The following GCSAML variants were observed in gnomAD, a reference collection of about 807,000 sequenced individuals.
GCSAML encodes germinal center associated signaling and motility like, also known as germinal center-associated signaling and motility-like protein.
In GCSAML, 9 loss-of-function variants were observed where a neutral mutation model predicts 13.0. The observed-to-expected ratio is 0.69, with a 90% CI of 0.42 to 1.21. The LOEUF (loss-of-function observed/expected upper bound fraction) is 1.21. Ranked by LOEUF, GCSAML falls within the 50% of genes most tolerant of loss-of-function variation. The pLI, the probability that GCSAML is intolerant of heterozygous loss-of-function variation, is 0.00. For synonymous variants in GCSAML, 37 were observed against 52.9 expected, an observed-to-expected ratio of 0.70 and a Z score of 1.31; for missense variants, 143 against 153.4, an observed-to-expected ratio of 0.93 and a Z score of 0.36.
chr1:247,543,174 A>G (rs1037538460), intron 2 of GCSAML, among the ~76,000 whole-genome samples: 2 of 152,236 alleles, frequency 1.3e-5, no homozygotes, highest in African/African-American at 2.4e-5. Context: ...TCTCTAGTAC[A>G]GTATGTCTTT....
Position 247,574,557 on chromosome 1 carries a change from A to T in GCSAML, c.*175A>T. The T allele has an allele frequency of 1.6e-6, 1 of 639,002 alleles. No individual in the cohort carries two copies. The highest frequency in any genetic ancestry group is 2.8e-5 in the East Asian group (1 of 35,964). 39.6% of individuals were successfully genotyped at this position (639,002 alleles called of 1,614,324 possible). A position where few individuals can be genotyped will look rare whatever the true frequency, so the allele number is the denominator to read the frequency against. On this transcript the variant is annotated 3_prime_UTR_variant, in exon 5 of 5. Coordinates refer to ENST00000366488, the MANE Select transcript of GCSAML (RefSeq NM_145278.5). The stretch of plus-strand genomic sequence containing the variant: ...CTGATATGTGGCATCTCTGTGGCTT[A>T]GGTGAAATCATAGAAATTGACACAA...
intron 3 of GCSAML, among the ~76,000 whole-genome samples, chr1:247,565,193 AC>A (rs1668294082): frequency 1.3e-5 from 2 of 152,220 alleles, no homozygotes; most frequent in South Asian, 2.1e-4. Flanking sequence ...CCCCGTCTCT[AC>A]TAAAAATGCA....
chr1:247,509,324 T>C (rs1665930902), intron 1 of GCSAML, among the ~76,000 whole-genome samples: 1 of 152,214 alleles, frequency 6.6e-6, no homozygotes, highest in Non-Finnish European at 1.5e-5. Flanking sequence ...TATTGGTGTA[T>C]AGAAATGCTT....
In GCSAML at chr1:247,566,723, A is replaced by G. The variant is rs180795936; in HGVS notation, c.168+764A>G. On this transcript the variant is annotated intron_variant, in intron 4 of 4. Transcript: ENST00000366488. ...ATGGTGGAAACTATAACATATGGAA[A>G]AAAGTTTATTCCTTTTGATACTACC... Among the ~76,000 whole-genome samples, 5 of 152,336 alleles carry G rather than the reference A, an allele frequency of 3.3e-5. No homozygotes were observed. The East Asian group carries it at 9.6e-4, about 29-fold the overall frequency.
chr1:247,561,676 G>A (rs1668132882), intron 2 of GCSAML, among the ~76,000 whole-genome samples: 1 of 151,872 alleles, frequency 6.6e-6, no homozygotes, highest in Non-Finnish European at 1.5e-5. Flanking sequence ...TAATAAACAT[G>A]TTATTTTTCT....
chr1:247,572,348 T>C (rs1195237795), intron 4 of GCSAML, among the ~76,000 whole-genome samples: 1 of 152,216 alleles, frequency 6.6e-6, no homozygotes, highest in Non-Finnish European at 1.5e-5. Context: ...TTATCTACCT[T>C]TGGTCTTTGC....
chr1:247,535,754 G>A (rs969691440), intron 2 of GCSAML, among the ~76,000 whole-genome samples: 1 of 152,150 alleles, frequency 6.6e-6, no homozygotes, highest in African/African-American at 2.4e-5. Flanking sequence ...TAGTCATACT[G>A]GAGCTATACC....
intron 1 of GCSAML, among the ~76,000 whole-genome samples, chr1:247,551,158 C>G (rs1339379676): frequency 6.6e-6 from 1 of 152,044 alleles, no homozygotes; most frequent in Non-Finnish European, 1.5e-5. Flanking sequence ...GCACAAACAG[C>G]GCACTGTAGA....
At chr1:247,518,072 G>A (rs1335069510) in intron 1 of GCSAML, among the ~76,000 whole-genome samples, 4 of 152,138 alleles carry the variant, frequency 2.6e-5, no homozygotes, top group Non-Finnish European at 5.9e-5. Flanking sequence ...CACAGCACTC[G>A]CAGCTTCTCC....
chr1:247,561,479 A>G (rs1668126831), intron 2 of GCSAML, among the ~76,000 whole-genome samples: 1 of 152,164 alleles, frequency 6.6e-6, no homozygotes, highest in African/African-American at 2.4e-5. Flanking sequence ...TGTGCTATCA[A>G]ATACTAGGAG....
At chr1:247,571,062 C>T (rs995080037) in intron 4 of GCSAML, among the ~76,000 whole-genome samples, 1 of 152,194 alleles carries the variant, frequency 6.6e-6, no homozygotes, top group Admixed American at 6.5e-5. Context: ...CGTAAATCTT[C>T]CTCCATCCCT....
At chr1:247,542,677 G>T (rs540359973) in intron 2 of GCSAML, among the ~76,000 whole-genome samples, 2 of 152,270 alleles carry the variant, frequency 1.3e-5, no homozygotes, top group East Asian at 1.9e-4. Flanking sequence ...CCTGAAACAG[G>T]TTATTTTTTA....
intron 2 of GCSAML, among the ~76,000 whole-genome samples, chr1:247,559,558 A>G (rs1345733871): frequency 1.3e-5 from 2 of 152,188 alleles, no homozygotes; most frequent in Non-Finnish European, 2.9e-5. Context: ...CCTCTCGGAT[A>G]GGGAGGATAG....
At position 247,556,414 on chromosome 1, in the gene GCSAML, G is replaced by A. The variant is rs371766766; in HGVS notation, c.37G>A (p.Gly13Arg). ...NYLLRKLSCL[G>R]ENQKKPKKGN... is the part of the protein sequence containing the mutation. ...TTATGTGTTTCCATATAGTTGCCTG[G>A]GAGAGAATCAAAAGAAGCCCAAGAA... The change falls in exon 2 of 5, where the codon GGA becomes AGA. Residue 13 changes from glycine (G) to arginine (R), a missense_variant. Physicochemically the swap from Gly to Arg is moderately radical, Grantham distance 125. Coordinates refer to ENST00000366488, the MANE Select transcript of GCSAML (RefSeq NM_145278.5). The A allele has an allele frequency of 6.2e-7, 1 of 1,609,924 alleles. No individual in the cohort carries two copies. The highest frequency in any genetic ancestry group is 1.1e-5 in the South Asian group (1 of 90,852).
upstream of GCSAML, among the ~76,000 whole-genome samples, chr1:247,546,505 C>A (rs1406136091): frequency 3.9e-5 from 6 of 151,974 alleles, no homozygotes; most frequent in Non-Finnish European, 5.9e-5. Context: ...ACTACAGGTG[C>A]CCGCCACCAC....
At chr1:247,524,617 A>G (rs1460036018) in intron 1 of GCSAML, 1 of 152,208 alleles carries the variant, frequency 6.6e-6, no homozygotes, top group Non-Finnish European at 1.5e-5. Context: ...TACATAAACC[A>G]TGTTTAAATA....
chr1:247,511,155 G>A (rs1666021952), intron 1 of GCSAML, among the ~76,000 whole-genome samples: 1 of 152,084 alleles, frequency 6.6e-6, no homozygotes, highest in Non-Finnish European at 1.5e-5. Context: ...GGGAGTCTAA[G>A]TCTCTTTGTA....
At chr1:247,514,893 C>T (rs997688535) in intron 1 of GCSAML, among the ~76,000 whole-genome samples, 1 of 152,122 alleles carries the variant, frequency 6.6e-6, no homozygotes, top group East Asian at 1.9e-4. Context: ...AGTTGGGTAA[C>T]AATGCCTCCA....
chr1:247,532,468 A>G (rs770086261), intron 2 of GCSAML: 2 of 1,614,118 alleles, frequency 1.2e-6, no homozygotes, highest in Non-Finnish European at 1.7e-6. Context: ...GAAGCCCAGG[A>G]GGACAAAGAC....
Sources: allele counts gnomAD v4.1 joint callset (sites outside exome capture counted in the v4.1 genomes callset), GRCh38; gene constraint gnomAD v4.1.1; transcripts MANE v1.5; gene names NCBI Gene and HGNC (gene_info 2026-07-23, HGNC 2026-07-21).